Variants in COL26A1 observed in about 807,000 individuals in gnomAD.
COL26A1 encodes collagen alpha-1(XXVI) chain.
COL26A1 carries 41 observed loss-of-function variants against 59.3 expected under a neutral mutation model. The observed-to-expected ratio is 0.69, with a 90% CI of 0.54 to 0.90. COL26A1 has a LOEUF of 0.90. Among genes scored for constraint, COL26A1 ranks in the 40% least tolerant of loss-of-function variants. The pLI is 0.00. For synonymous variants in COL26A1, 266 were observed against 256.0 expected (o/e 1.04, Z -0.37); for missense variants, 612 against 602.3 (o/e 1.02, Z -0.17).
Position 101,557,557 on chromosome 7 carries a change from C to T in COL26A1, c.*27C>T. ...AGCCCACTGCTCCAGGACACCCTGT[C>T]CTGGCTAGAGACCCAGCCCCAGAGG... On this transcript the variant is annotated 3_prime_UTR_variant, in exon 13 of 13. Coordinates refer to ENST00000313669, the MANE Select transcript of COL26A1 (RefSeq NM_001278563.3). 1 of 1,582,218 alleles carries T rather than the reference C, an allele frequency of 6.3e-7. No individual in the cohort carries two copies. Among genetic ancestry groups the T allele is most frequent in the South Asian group, 1.1e-5 (1 of 88,738 alleles).
At chr7:101,446,101 T>G (rs929396212) in intron 2 of COL26A1, among the ~76,000 whole-genome samples, 2 of 147,118 alleles carry the variant, frequency 1.4e-5, no homozygotes, top group Non-Finnish European at 3.0e-5. Context: ...CACACCATTT[T>G]AAATAACCAG....
chr7:101,475,805 CTTCTTTCT>C lies in COL26A1; in HGVS notation c.385+28027_385+28034del, dbSNP rs57833462. ...CTTTCTTTCCTTCCTTCCTTCCTTC[CTTCTTTCT>C]TTCTTTCTCTCTCTTTCTCTCTCTC... On this transcript the variant is annotated intron_variant, in intron 3 of 12. Transcript: ENST00000313669. 9.0e-4 allele frequency among the ~76,000 whole-genome samples: 104 copies of C among 115,298 alleles called. 1 individual carries two copies. In the Middle Eastern group the frequency reaches 0.02, roughly 22 times the overall value. 75.6% of individuals were successfully genotyped at this position (115,298 alleles called of 152,430 possible). A position where few individuals can be genotyped will look rare whatever the true frequency, so the allele number is the denominator to read the frequency against.
At chr7:101,520,550 G>A (rs1859630) in intron 3 of COL26A1, among the ~76,000 whole-genome samples, 76,380 of 151,400 alleles carry the variant, frequency 0.5, 20,056 homozygotes, top group African/African-American at 0.62. Flanking sequence ...AGCTGGGCAT[G>A]GTGGTGCACA....
intron 3 of COL26A1, among the ~76,000 whole-genome samples, chr7:101,486,782 A>G (rs1258106331): frequency 1.3e-5 from 2 of 152,180 alleles, no homozygotes; most frequent in East Asian, 1.9e-4. Context: ...TTATTTTGCT[A>G]TGGACCACGT....
chr7:101,372,437 T>C (rs62465625), intron 1 of COL26A1, among the ~76,000 whole-genome samples: 88,091 of 151,842 alleles, frequency 0.58, 27,123 homozygotes, highest in African/African-American at 0.8. Context: ...GCTGGGATTA[T>C]AGGTGTGAGC....
chr7:101,448,910 T>G (rs1331093299), intron 3 of COL26A1, among the ~76,000 whole-genome samples: 1 of 152,230 alleles, frequency 6.6e-6, no homozygotes, highest in East Asian at 1.9e-4. Flanking sequence ...TCTATATGCT[T>G]TGAGTGTAAA....
At chr7:101,447,466 T>A (rs1455440652) in intron 2 of COL26A1, among the ~76,000 whole-genome samples, 5 of 152,222 alleles carry the variant, frequency 3.3e-5, no homozygotes, top group Non-Finnish European at 2.9e-5. Flanking sequence ...ATGGAGTCAG[T>A]TAGGTCTGAT....
chr7:101,475,781 TTTCTTTCC>T (rs1186133968), intron 3 of COL26A1, among the ~76,000 whole-genome samples: 53 of 106,676 alleles, frequency 5.0e-4, no homozygotes, highest in Middle Eastern at 8.2e-3. Context: ...TCTTTCTTTC[TTTCTTTCC>T]TTCCTTCCTT....
intron 8 of COL26A1, among the ~76,000 whole-genome samples, chr7:101,548,007 G>A (rs528781828): frequency 1.3e-5 from 2 of 152,286 alleles, no homozygotes; most frequent in Admixed American, 6.5e-5. Flanking sequence ...TTGTGACTTC[G>A]ACAGGATCTG....
chr7:101,533,182 T>A, intron 4 of COL26A1, 39 bp downstream of exon 4: 1 of 1,484,124 alleles, frequency 6.7e-7, no homozygotes, highest in Non-Finnish European at 9.2e-7. Flanking sequence ...GGGAGCTGCC[T>A]GGGGACCTTG....
At chr7:101,461,996 C>CTTT (rs531100830) in intron 3 of COL26A1, among the ~76,000 whole-genome samples, 18 of 117,902 alleles carry the variant, frequency 1.5e-4, no homozygotes, top group South Asian at 5.6e-4. Flanking sequence ...CCACGGAGCA[C>CTTT]TTTTTTTTTT....
intron 6 of COL26A1, among the ~76,000 whole-genome samples, chr7:101,544,797 T>C (rs1163100561): frequency 6.6e-6 from 1 of 152,124 alleles, no homozygotes; most frequent in Admixed American, 6.5e-5. Flanking sequence ...CCTCCCAAAG[T>C]GCTGGGATTA....
At chr7:101,378,365 T>C (rs1312423790) in intron 1 of COL26A1, among the ~76,000 whole-genome samples, 2 of 152,114 alleles carry the variant, frequency 1.3e-5, no homozygotes, top group African/African-American at 4.8e-5. Flanking sequence ...AATAACCCAT[T>C]CTTCCTTGCT....
intron 3 of COL26A1, among the ~76,000 whole-genome samples, chr7:101,454,362 G>T (rs183149744): frequency 3.6e-4 from 54 of 148,854 alleles, no homozygotes; most frequent in Middle Eastern, 3.5e-3. Flanking sequence ...AGGTTCAAGT[G>T]ATTCTCCTGC....
chr7:101,541,782 A>G (rs1795623219), intron 5 of COL26A1, among the ~76,000 whole-genome samples: 2 of 152,094 alleles, frequency 1.3e-5, no homozygotes, highest in African/African-American at 4.8e-5. Context: ...GTTGCAATCG[A>G]TGAAGCCCTC....
intron 1 of COL26A1, among the ~76,000 whole-genome samples, chr7:101,366,469 G>T (rs576018619): frequency 8.9e-6 from 1 of 112,668 alleles, no homozygotes; most frequent in African/African-American, 2.9e-5. Flanking sequence ...CCTTGTTAAC[G>T]TCTGATTTTT....
chr7:101,423,002 C>T (rs544232299), intron 2 of COL26A1, among the ~76,000 whole-genome samples: 2 of 152,150 alleles, frequency 1.3e-5, no homozygotes, highest in Non-Finnish European at 1.5e-5. Flanking sequence ...CGGTGGCTCA[C>T]GCCTGCAATT....
chr7:101,432,277 A>G (rs1035682854), intron 2 of COL26A1, among the ~76,000 whole-genome samples: 1 of 152,090 alleles, frequency 6.6e-6, no homozygotes, highest in Non-Finnish European at 1.5e-5. Flanking sequence ...TAGGTTTTGA[A>G]GAGATCCCTG....
chr7:101,448,088 C>T (rs1365733747), intron 3 of COL26A1, among the ~76,000 whole-genome samples: 1 of 152,208 alleles, frequency 6.6e-6, no homozygotes, highest in Non-Finnish European at 1.5e-5. Flanking sequence ...CCGGTTTCTT[C>T]CACTTTTGGC....
Sources: gnomAD v4.1 joint callset for allele counts (sites outside exome capture counted in the v4.1 genomes callset) on GRCh38, gnomAD v4.1.1 for gene constraint, MANE v1.5 for transcripts, NCBI Gene and HGNC (gene_info 2026-07-23, HGNC 2026-07-21) for gene names.